CSMD1: variants seen among roughly 807,000 people sequenced by gnomAD.
CSMD1 encodes the protein CUB and sushi domain-containing protein 1.
CSMD1 carries 213 observed loss-of-function variants against 417.5 expected under a neutral mutation model. The ratio of observed to expected loss-of-function variants is 0.51; its 90% CI spans 0.46 to 0.57. The LOEUF is 0.57. Ranked by LOEUF, CSMD1 falls within the 20% of genes least tolerant of loss-of-function variation. The probability of loss-of-function intolerance (pLI) is 0.00; values close to 1 mark genes in which losing one functional copy is unlikely to be tolerated. For synonymous variants in CSMD1, 2,862 were observed against 1,736.8 expected, an observed-to-expected ratio of 1.65 and a Z score of -16.11; for missense variants, 6,923 against 4,529.7, an observed-to-expected ratio of 1.53 and a Z score of -15.17.
intron 1 of CSMD1, among the ~76,000 whole-genome samples, chr8:4,790,075 G>A (rs543619770): frequency 1.3e-5 from 2 of 152,260 alleles, no homozygotes; most frequent in Admixed American, 6.5e-5. Context: ...GAAAACATTC[G>A]ATGAGTTTTG....
intron 9 of CSMD1, among the ~76,000 whole-genome samples, chr8:3,584,789 A>AT (rs202044802): frequency 8.9e-4 from 135 of 151,832 alleles, no homozygotes; most frequent in East Asian, 2.7e-3. Context: ...CTATTGAAGG[A>AT]TTTTTTTTTC....
At position 3,679,586 on chromosome 8, in the gene CSMD1, G is replaced by C. The variant is rs566160767; in HGVS notation, c.1009+28828C>G. Reference sequence around the variant, plus strand: ...CTTAGACTCCCACACAATAATAATGGGAGTCTTTAACACCCCACTGTCAAC... The same window carrying C: ...CTTAGACTCCCACACAATAATAATGCGAGTCTTTAACACCCCACTGTCAAC... On this transcript the variant is annotated intron_variant, in intron 7 of 69. Transcript: ENST00000635120. Among the ~76,000 whole-genome samples the C allele has an allele frequency of 3.9e-5, 6 of 152,076 alleles. No homozygotes were observed. In the South Asian group the frequency reaches 1.2e-3, roughly 32 times the overall value.
intron 26 of CSMD1, among the ~76,000 whole-genome samples, chr8:3,242,815 TAAGGGGTTGGGGCGC>T (rs1339650521): frequency 1.1e-4 from 4 of 35,996 alleles, no homozygotes; most frequent in Admixed American, 3.6e-4. Context: ...GGCGCAGAAA[TAAGGGGTTGGGGCGC>T]AGATATAAGA....
rs778887664 is a variant in CSMD1, at chr8:3,230,049, T to C, written c.4336A>G (p.Thr1446Ala). Residue 1446 changes from threonine (T) to alanine (A), a missense_variant, in exon 27 of 70, where the codon ACA (threonine) becomes GCA (alanine). Physicochemically the swap from Thr to Ala is moderately conservative, Grantham distance 58. Coordinates refer to ENST00000635120, the MANE Select transcript of CSMD1 (RefSeq NM_033225.6). ...TTCTGTTGTCTGATACCTATGCATG[T>C]AGGAGGGTCTGGTTGCCAAAAGAAC... ...NRFFWQPDPP[T>A]CIAACGGNLT... The C allele has an allele frequency of 1.1e-5, 17 of 1,602,798 alleles. No homozygotes were observed. Among genetic ancestry groups the C allele is most frequent in the Admixed American group, 1.7e-5 (1 of 58,334 alleles).
intron 2 of CSMD1, among the ~76,000 whole-genome samples, chr8:4,623,155 A>T (rs181786268): frequency 1.3e-5 from 2 of 152,252 alleles, no homozygotes; most frequent in East Asian, 3.9e-4. Flanking sequence ...AAGGGAAGAC[A>T]AAAGTTGCAG....
At chr8:4,581,996 T>G (rs563328141) in intron 2 of CSMD1, among the ~76,000 whole-genome samples, 16 of 152,132 alleles carry the variant, frequency 1.1e-4, no homozygotes, top group African/African-American at 3.6e-4. Flanking sequence ...GGCTAAAATC[T>G]CAGTAGCCTA....
intron 1 of CSMD1, among the ~76,000 whole-genome samples, chr8:4,698,769 T>C (rs75568476): frequency 7.0e-6 from 1 of 143,354 alleles, no homozygotes; most frequent in African/African-American, 3.0e-5. Context: ...AAAAAAAAAA[T>C]TCCACCATAT....
At chr8:3,064,627 C>T (rs1172412810) in intron 49 of CSMD1, among the ~76,000 whole-genome samples, 4 of 152,100 alleles carry the variant, frequency 2.6e-5, no homozygotes, top group South Asian at 2.1e-4. Context: ...ATGATCCAAA[C>T]GTGGAAGGTT....
At chr8:3,981,516 A>G (rs1256004292) in intron 5 of CSMD1, among the ~76,000 whole-genome samples, 11 of 151,092 alleles carry the variant, frequency 7.3e-5, no homozygotes, top group South Asian at 4.2e-4. Flanking sequence ...AAAAAAAAAA[A>G]AAAAAAAAAG....
chr8:4,120,953 T>C (rs1042643292), intron 3 of CSMD1, among the ~76,000 whole-genome samples: 2 of 152,212 alleles, frequency 1.3e-5, no homozygotes, highest in Non-Finnish European at 2.9e-5. Flanking sequence ...TAAGAATACT[T>C]TTCTTACATG....
chr8:4,039,917 G>A (rs1219879843), intron 3 of CSMD1, among the ~76,000 whole-genome samples: 1 of 152,172 alleles, frequency 6.6e-6, no homozygotes, highest in Non-Finnish European at 1.5e-5. Context: ...AAAGGGGAAT[G>A]AAAAGTAAAG....
chr8:4,311,722 CAAAAA>C (rs35480252), intron 3 of CSMD1, among the ~76,000 whole-genome samples: 1 of 110,308 alleles, frequency 9.1e-6, no homozygotes, highest in African/African-American at 3.3e-5. Flanking sequence ...GACTCAGTCT[CAAAAA>C]AAAAAAAAAA....
intron 49 of CSMD1, among the ~76,000 whole-genome samples, chr8:3,081,719 G>T (rs1217731721): frequency 1.3e-5 from 2 of 152,144 alleles, no homozygotes; most frequent in South Asian, 4.2e-4. Context: ...ATTTATTACA[G>T]CAGATAGTCT....
chr8:4,341,992 C>T (rs910540713), intron 3 of CSMD1, among the ~76,000 whole-genome samples: 2 of 152,100 alleles, frequency 1.3e-5, no homozygotes, highest in Non-Finnish European at 2.9e-5. Flanking sequence ...GGCCTTATTT[C>T]CACCATGCAG....
intron 5 of CSMD1, among the ~76,000 whole-genome samples, chr8:3,978,801 C>T (rs60120923): frequency 0.065 from 9,832 of 152,090 alleles, 613 homozygotes; most frequent in African/African-American, 0.15. Flanking sequence ...CTTTCCTTTC[C>T]GGAGACATCG....
At chr8:3,980,209 G>A (rs1030342385) in intron 5 of CSMD1, among the ~76,000 whole-genome samples, 2 of 152,146 alleles carry the variant, frequency 1.3e-5, no homozygotes, top group African/African-American at 4.8e-5. Context: ...AATTAGCTAT[G>A]CCTCATCTTA....
intron 3 of CSMD1, among the ~76,000 whole-genome samples, chr8:4,114,513 G>A (rs908350194): frequency 5.3e-5 from 8 of 152,098 alleles, no homozygotes; most frequent in Non-Finnish European, 1.2e-4. Flanking sequence ...CCATTCTGCA[G>A]CCCATGGATC....
At chr8:3,211,242 G>T (rs1362177993) in intron 30 of CSMD1, among the ~76,000 whole-genome samples, 1 of 152,086 alleles carries the variant, frequency 6.6e-6, no homozygotes, top group East Asian at 1.9e-4. Context: ...GTGGGGTCTT[G>T]CTATGTTGTC....
chr8:4,099,728 T>A (rs1207300953), intron 3 of CSMD1, among the ~76,000 whole-genome samples: 2 of 152,138 alleles, frequency 1.3e-5, no homozygotes, highest in African/African-American at 2.4e-5. Context: ...ACTTGCTTTC[T>A]CCCCTCCTTA....
Sources: allele counts gnomAD v4.1 joint callset (sites outside exome capture counted in the v4.1 genomes callset), GRCh38; gene constraint gnomAD v4.1.1; transcripts MANE v1.5; gene names NCBI Gene and HGNC (gene_info 2026-07-23, HGNC 2026-07-21).